Variants in HIF3A observed in about 807,000 individuals in gnomAD.
The protein encoded by HIF3A is hypoxia inducible factor 3 subunit alpha.
A neutral mutation model predicts 67.2 loss-of-function variants in HIF3A; 41 were observed. The ratio of observed to expected loss-of-function variants is 0.61; its 90% confidence interval spans 0.48 to 0.79. The LOEUF is 0.79. HIF3A is among the 30% of genes least tolerant of loss of function. The pLI is 0.00. For missense variants in HIF3A, 855 were observed against 898.0 expected (o/e 0.95, Z 0.61); for synonymous variants, 356 against 374.8 (o/e 0.95, Z 0.58).
chr19:46,336,377 C>CT (rs1189185852), intron 14 of HIF3A, among the ~76,000 whole-genome samples: 2 of 149,582 alleles, frequency 1.3e-5, no homozygotes, highest in Admixed American at 1.3e-4. Flanking sequence ...CAGGCTTTCT[C>CT]TTTTTTTTGA....
rs750197056 is a variant in HIF3A at position 46,305,333 on chromosome 19, C to T, written c.306C>T (p.Ala102=). 8.0e-5 allele frequency: 129 copies of T among 1,613,940 alleles called. No homozygotes were observed. Among genetic ancestry groups the T allele is most frequent in the South Asian group, 1.1e-4 (10 of 91,084 alleles). ...AGGGCTTCGTCATGGTGCTCACCGCCGAGGGAGACATGGCTTACCTGTCGG... is the reference window on the plus strand; with the variant it reads ...AGGGCTTCGTCATGGTGCTCACCGCTGAGGGAGACATGGCTTACCTGTCGG... ...ALEGFVMVLT[A]EGDMAYLSEN... is the part of the protein sequence containing the mutation. Residue 102 remains alanine (A), a synonymous_variant, in exon 3 of 15, where the codon GCC becomes GCT. Coordinates refer to ENST00000377670, the MANE Select transcript of HIF3A (RefSeq NM_152795.4).
rs1447883981 is a variant in HIF3A at position 46,342,896 on chromosome 19, C to G, written c.*3274C>G. On this transcript the variant is annotated 3_prime_UTR_variant, in exon 15 of 15. Coordinates refer to ENST00000377670, the MANE Select transcript of HIF3A (RefSeq NM_152795.4). Reference sequence around the variant, plus strand: ...CTCATTGCCTACAATCTCTGTGCCCCAGAACCCCCTCCACTTCCCACCCCA... The same window carrying G: ...CTCATTGCCTACAATCTCTGTGCCCGAGAACCCCCTCCACTTCCCACCCCA... 1 of 152,484 alleles carries G rather than the reference C, an allele frequency of 6.6e-6. No homozygotes were observed. The highest frequency in any genetic ancestry group is 2.4e-5 in the African/African-American group (1 of 41,414). 9.4% of individuals were successfully genotyped at this position (152,484 alleles called of 1,614,324 possible).
intron 1 of HIF3A, among the ~76,000 whole-genome samples, chr19:46,301,125 G>GGGAC (rs1475601007): frequency 2.0e-5 from 3 of 152,116 alleles, no homozygotes; most frequent in Admixed American, 1.3e-4. Flanking sequence ...CAGGAAGGAG[G>GGGAC]GGACGGGGAC....
At chr19:46,329,554 C>T (rs1203291743) in intron 12 of HIF3A, 76 bp downstream of exon 12, 35 of 1,410,342 alleles carry the variant, frequency 2.5e-5, no homozygotes, top group Admixed American at 6.0e-5. Flanking sequence ...GCTTCAGCCT[C>T]ATCCCTCACC....
intron 1 of HIF3A, among the ~76,000 whole-genome samples, chr19:46,302,735 G>A (rs1322096781): frequency 2.0e-5 from 3 of 152,080 alleles, no homozygotes; most frequent in Non-Finnish European, 2.9e-5. Context: ...TTAGCTGGGC[G>A]TGCTGATACG....
intron 8 of HIF3A, 145 bp downstream of exon 8, chr19:46,312,798 A>G (rs1300068985): frequency 4.3e-6 from 6 of 1,384,960 alleles, no homozygotes; most frequent in Non-Finnish European, 4.7e-6. Flanking sequence ...ACGTGTACAC[A>G]TATGAGGAAT....
rs1971007687 is a variant in HIF3A at position 46,329,267 on chromosome 19, C to T, written c.1501C>T (p.Gln501Ter). 6.2e-7 allele frequency: 1 copy of T among 1,613,252 alleles called. No homozygotes were observed. The highest frequency in any genetic ancestry group is 8.5e-7 in the Non-Finnish European group (1 of 1,179,886). Residue 501 changes from glutamine (Q) to a stop codon, truncating the protein, a stop_gained, in exon 12 of 15, where the codon CAG becomes TAG. Transcript: ENST00000377670. LOFTEE classifies it high-confidence loss of function. ...APYISMDDDF[Q>*]LNASEQLPRA... ...CTACATCTCCATGGATGATGACTTC[C>T]AGCTCAACGCCAGCGAGCAGCTACC...
Position 46,335,010 on chromosome 19 carries a change from G to A in HIF3A, c.1912+24G>A, listed in dbSNP as rs1207863799. 6 of 1,582,146 alleles carry A rather than the reference G, an allele frequency of 3.8e-6. No homozygotes were observed. The African/African-American group carries it at 5.4e-5, about 14-fold the overall frequency. The stretch of plus-strand genomic sequence containing the variant: ...GGGTGAGTAGCAACCTGGGTATCCA[G>A]AGCCCCAGAGCACCTTCTCCCCCGG... On this transcript the variant is annotated intron_variant, in intron 14 of 14. Transcript: ENST00000377670.
intron 3 of HIF3A, among the ~76,000 whole-genome samples, chr19:46,307,013 C>T (rs953077203): frequency 2.6e-5 from 4 of 152,130 alleles, no homozygotes; most frequent in Admixed American, 6.6e-5. Context: ...AGTCTCATCT[C>T]GGGGCCTTGC....
chr19:46,312,181 A>G lies in HIF3A; in HGVS notation c.791A>G (p.Tyr264Cys), dbSNP rs1969489006. The stretch of plus-strand genomic sequence containing the variant: ...CCCAGGATTGCAGAAGTGGCTGGCT[A>G]TAGTCCCGATGACCTGATCGGCTGT... ...CDDRIAEVAG[Y>C]SPDDLIGCSA... The change falls in exon 7 of 15, where the codon TAT (tyrosine) becomes TGT (cysteine). Residue 264 changes from tyrosine (Y) to cysteine (C), a missense_variant. Physicochemically the swap from Tyr to Cys is radical, Grantham distance 194. This residue lies in a region of HIF3A where 638 missense variants were observed against 660.5 expected (regional missense o/e 0.97). Coordinates refer to ENST00000377670, the MANE Select transcript of HIF3A (RefSeq NM_152795.4). 28 of 1,613,882 alleles carry G rather than the reference A, an allele frequency of 1.7e-5. No homozygotes were observed. The highest frequency in any genetic ancestry group is 2.1e-5 in the Non-Finnish European group (25 of 1,179,986).
intron 11 of HIF3A, among the ~76,000 whole-genome samples, chr19:46,326,268 A>C (rs960872624): frequency 2.0e-5 from 3 of 152,198 alleles, no homozygotes; most frequent in Admixed American, 1.3e-4. Context: ...ACAACATGGC[A>C]GTTGGCTTCC....
chr19:46,328,060 C>T (rs1390782415), intron 11 of HIF3A, among the ~76,000 whole-genome samples: 1 of 152,226 alleles, frequency 6.6e-6, no homozygotes, highest in Non-Finnish European at 1.5e-5. Context: ...AATTCAGTCT[C>T]CAATGCTACC....
chr19:46,312,882 A>ATTTTTTTTTTTTT (rs531816670), intron 8 of HIF3A: 20 of 879,290 alleles, frequency 2.3e-5, no homozygotes, highest in Non-Finnish European at 2.3e-5. Context: ...TAGACTGTTA[A>ATTTTTTTTTTTTT]TTTTTTTTTT....
At chr19:46,313,953 C>T (rs1706833207) in intron 8 of HIF3A, among the ~76,000 whole-genome samples, 1 of 152,106 alleles carries the variant, frequency 6.6e-6, no homozygotes, top group African/African-American at 2.4e-5. Flanking sequence ...TGAGCCACTG[C>T]ACCCGGCCCA....
intron 10 of HIF3A, among the ~76,000 whole-genome samples, chr19:46,324,906 A>T (rs1369323979): frequency 6.8e-6 from 1 of 146,986 alleles, no homozygotes; most frequent in Non-Finnish European, 1.5e-5. Context: ...ATATATATAT[A>T]TACACACACA....
Position 46,312,488 on chromosome 19 carries a change from C to G in HIF3A, c.878-18C>G. ...TGCCCCCTTGGTGGCCCTGATCCCT[C>G]CCGATCCCCCTCCTCAGTGCTGAGC... On this transcript the variant is annotated intron_variant, in intron 7 of 14. Transcript: ENST00000377670. 1.2e-6 allele frequency: 2 copies of G among 1,613,682 alleles called. No individual in the cohort carries two copies. Among genetic ancestry groups the G allele is most frequent in the African/African-American group, 1.3e-5 (1 of 75,004 alleles).
At chr19:46,329,976 A>AG (rs1568541657) in intron 12 of HIF3A, among the ~76,000 whole-genome samples, 2 of 136,462 alleles carry the variant, frequency 1.5e-5, no homozygotes, top group African/African-American at 5.4e-5. Flanking sequence ...AAAAAAAAAA[A>AG]GATAGAGAGA....
At chr19:46,333,958 AT>A (rs554256971) in intron 13 of HIF3A, among the ~76,000 whole-genome samples, 1 of 149,854 alleles carries the variant, frequency 6.7e-6, no homozygotes, top group Non-Finnish European at 1.5e-5. Context: ...ACGCCTGGTT[AT>A]TTTTTTTGTA....
At chr19:46,305,567 G>A (rs1202115841) in intron 3 of HIF3A, among the ~76,000 whole-genome samples, 177 bp downstream of exon 3, 1 of 152,162 alleles carries the variant, frequency 6.6e-6, no homozygotes, top group African/African-American at 2.4e-5. Flanking sequence ...AGTCTAGGGG[G>A]CTGTGAGAGC....
Sources: gnomAD v4.1 joint callset for allele counts (sites outside exome capture counted in the v4.1 genomes callset) on GRCh38, gnomAD v4.1.1 for gene constraint, gnomAD v4.1.1 regional missense constraint, MANE v1.5 for transcripts, NCBI Gene and HGNC (gene_info 2026-07-23, HGNC 2026-07-21) for gene names.